The following P3H1 variants were observed in gnomAD, a reference collection of about 807,000 sequenced individuals.
P3H1 encodes the protein growth suppressor 1.
A neutral mutation model predicts 84.0 loss-of-function variants in P3H1; 69 were observed. That is an observed-to-expected ratio of 0.82 (90% CI 0.68 to 1.00). The LOEUF (loss-of-function observed/expected upper bound fraction) is 1.00, where lower values mean the gene tolerates loss of function less well. P3H1 is among the 50% of genes least tolerant of loss of function. The pLI, the probability that P3H1 is intolerant of heterozygous loss-of-function variation, is 0.00. For synonymous variants in P3H1, 366 were observed against 388.8 expected (o/e 0.94, Z 0.69); for missense variants, 878 against 962.8 (o/e 0.91, Z 1.17).
Position 42,759,064 on chromosome 1 carries a change from T to C in P3H1, c.809-81A>G, listed in dbSNP as rs755061188. 9 of 1,592,976 alleles carry C rather than the reference T, an allele frequency of 5.6e-6. No homozygotes were observed. In the South Asian group the frequency reaches 6.6e-5, roughly 12 times the overall value. On this transcript the variant is annotated intron_variant, in intron 3 of 14. Transcript: ENST00000296388. ...TCTGGTTAAGATGAACAAATTCAAATGGAAGCAATTTTTCATCAGCTTCTC... is the reference window on the plus strand; with the variant it reads ...TCTGGTTAAGATGAACAAATTCAAACGGAAGCAATTTTTCATCAGCTTCTC...
intron 11 of P3H1, among the ~76,000 whole-genome samples, chr1:42,749,378 G>A (rs1651907241): frequency 6.6e-6 from 1 of 152,196 alleles, no homozygotes; most frequent in Non-Finnish European, 1.5e-5. Flanking sequence ...GTATGACAGA[G>A]CCGGCTCTGG....
intron 10 of P3H1, among the ~76,000 whole-genome samples, chr1:42,752,067 C>T (rs986838948): frequency 2.0e-5 from 3 of 152,242 alleles, no homozygotes; most frequent in African/African-American, 7.2e-5. Context: ...TTATCCTGCT[C>T]ACTTTGTTTT....
Position 42,754,178 on chromosome 1 carries a change from G to A in P3H1, c.1345+691C>T, listed in dbSNP as rs1652259859. ...GAAGACTGGCCTAGCTACCTTGTGT[G>A]GGCAGGGGCAAGGACAGGCCAGACG... On this transcript the variant is annotated intron_variant, in intron 8 of 14. Transcript: ENST00000296388. The surrounding 1 kb of genome is among the most constrained non-coding windows in gnomAD (Gnocchi z 4.0). 6.6e-6 allele frequency among the ~76,000 whole-genome samples: 1 copy of A among 152,206 alleles called. No individual in the cohort carries two copies. Among genetic ancestry groups the A allele is most frequent in the Non-Finnish European group, 1.5e-5 (1 of 68,030 alleles).
In P3H1 at chr1:42,746,512, T is replaced by G; in HGVS notation, c.*185A>C. On this transcript the variant is annotated 3_prime_UTR_variant, in exon 15 of 15. Transcript: ENST00000296388. ...TGAGCCCTCAGCCAGATCCAGGGGG[T>G]GCGGTGTCTGGTCATGTCCACTCCA... The G allele has an allele frequency of 1.6e-6, 1 of 614,642 alleles. No individual in the cohort carries two copies. The highest frequency in any genetic ancestry group is 2.9e-6 in the Non-Finnish European group (1 of 346,950). 38.1% of individuals were successfully genotyped at this position (614,642 alleles called of 1,614,324 possible). A position where few individuals can be genotyped will look rare whatever the true frequency, so the allele number is the denominator to read the frequency against.
At position 42,757,815 on chromosome 1, in the gene P3H1, C is replaced by G; in HGVS notation, c.1048G>C (p.Glu350Gln). The change falls in exon 5 of 15, where the codon GAA becomes CAA. Residue 350 changes from glutamate to glutamine, a missense_variant. Glu to Gln is a conservative substitution (Grantham distance 29). Coordinates refer to ENST00000296388, the MANE Select transcript of P3H1 (RefSeq NM_022356.4). ...GGGCCGATGGATCTGGTGTGTTCTTCTCCAAGCATAGCTGCATAATAGGCC... is the reference window on the plus strand; with the variant it reads ...GGGCCGATGGATCTGGTGTGTTCTTGTCCAAGCATAGCTGCATAATAGGCC... The part of the protein sequence containing the change: ...NLAYYAAMLG[E>Q]EHTRSIGPRE... The G allele has an allele frequency of 1.2e-6, 2 of 1,614,260 alleles. No individual in the cohort carries two copies. The highest frequency in any genetic ancestry group is 1.7e-6 in the Non-Finnish European group (2 of 1,180,046).
intron 12 of P3H1, 134 bp from the exon 13 acceptor site, chr1:42,747,932 G>A: frequency 1.2e-6 from 1 of 864,200 alleles, no homozygotes; most frequent in Non-Finnish European, 1.9e-6. Flanking sequence ...AACCTATACT[G>A]ATGCCGTACA....
chr1:42,750,651 G>GT (rs1553141342), intron 10 of P3H1, among the ~76,000 whole-genome samples: 26 of 109,316 alleles, frequency 2.4e-4, no homozygotes, highest in African/African-American at 1.5e-3. Context: ...GAGGGAGGCC[G>GT]GGGGGGGTGG....
chr1:42,749,902 C>T lies in P3H1; in HGVS notation c.1720+284G>A, dbSNP rs138377612. On this transcript the variant is annotated intron_variant, in intron 11 of 14. Transcript: ENST00000296388. ...AGGTCCTCTATGAATGGTTTAGCAC[C>T]AGCTTCCCCATTAAAGTGCGTTGTG... The T allele has an allele frequency of 1.5e-3, 690 of 467,512 alleles. 5 individuals are homozygous for T. The highest frequency in any genetic ancestry group is 0.012 in the African/African-American group (634 of 51,058). 29.0% of individuals were successfully genotyped at this position (467,512 alleles called of 1,614,324 possible).
Position 42,746,647 on chromosome 1 carries a change from A to C in P3H1, c.*50T>G. 1 of 1,458,720 alleles carries C rather than the reference A, an allele frequency of 6.9e-7. No homozygotes were observed. The highest frequency in any genetic ancestry group is 9.4e-7 in the Non-Finnish European group (1 of 1,063,244). The allele number at this position is 1,458,720 out of a possible 1,614,324, so 90.4% of individuals were successfully genotyped here. A position where few individuals can be genotyped will look rare whatever the true frequency, so the allele number is the denominator to read the frequency against. On this transcript the variant is annotated 3_prime_UTR_variant, in exon 15 of 15. Transcript: ENST00000296388. ...GGGGCTGGCCAGCTCAGAGTGCAGAAGAGTTCCTCTCCATGGGTCTAGTCA... is the reference window on the plus strand; with the variant it reads ...GGGGCTGGCCAGCTCAGAGTGCAGACGAGTTCCTCTCCATGGGTCTAGTCA...
At chr1:42,757,677 GC>G (rs1467993343) in intron 5 of P3H1, 105 bp downstream of exon 5, 11 of 1,533,556 alleles carry the variant, frequency 7.2e-6, no homozygotes, top group Non-Finnish European at 9.9e-6. Context: ...CTGACATCTG[GC>G]CCCTGCCCTG....
Position 42,747,270 on chromosome 1 carries a change from A to C in P3H1, c.2055+2T>G. ...GCTCTCACCCGCTCGAGCTGCTCTC[A>C]CCCGCTCGCTGTGTCGAGGGTCCAG... On this transcript the variant is annotated splice_donor_variant, in intron 14 of 14. Coordinates refer to ENST00000296388, the MANE Select transcript of P3H1 (RefSeq NM_022356.4). LOFTEE classifies it high-confidence loss of function. 1 of 1,613,684 alleles carries C rather than the reference A, an allele frequency of 6.2e-7. No individual in the cohort carries two copies. The highest frequency in any genetic ancestry group is 8.5e-7 in the Non-Finnish European group (1 of 1,179,752).
chr1:42,766,646 A>C lies in P3H1; in HGVS notation c.326T>G (p.Phe109Cys), dbSNP rs761389160. ...SGAAALRDLS[F>C]FGGLLRRAAC... ...AGCGCGACGCAGAAGGCCCCCGAAG[A>C]AGCTCAGGTCGCGCAGGGCGGCGGC... The change falls in exon 1 of 15, where the codon TTC becomes TGC. Residue 109 changes from phenylalanine to cysteine, a missense_variant. Physicochemically the swap from Phe to Cys is radical, Grantham distance 205. Transcript: ENST00000296388. The C allele has an allele frequency of 2.2e-5, 34 of 1,577,294 alleles. No individual in the cohort carries two copies. The highest frequency in any genetic ancestry group is 1.7e-4 in the Middle Eastern group (1 of 5,908).
In P3H1 at chr1:42,748,418, C is replaced by T. The variant is rs115436009; in HGVS notation, c.1721-101G>A. On this transcript the variant is annotated intron_variant, in intron 11 of 14. Transcript: ENST00000296388. ...GCTTCCCAAAATGTGTTTGAGTCTA[C>T]GGAATGCCCAATGAACTAGGGGGGT... 1,733 of 895,756 alleles carry T rather than the reference C, an allele frequency of 1.9e-3. 21 individuals carry two copies. In the African/African-American group the frequency reaches 0.026, roughly 13 times the overall value. 55.5% of individuals were successfully genotyped at this position (895,756 alleles called of 1,614,324 possible).
In P3H1 at chr1:42,759,250, A is replaced by T. The variant is rs1304210616; in HGVS notation, c.759T>A (p.Asp253Glu). ...CGTTGTACTCAAGGTAGTTGTAGCC[A>T]TCGTAGTCATAGGGCCCTTCGCAGA... The part of the protein sequence containing the change: ...RALCEGPYDY[D>E]GYNYLEYNAD... Residue 253 changes from aspartate to glutamate, a missense_variant, in exon 3 of 15, where the codon GAT (aspartate) becomes GAA (glutamate). Transcript: ENST00000296388. 1.2e-6 allele frequency: 2 copies of T among 1,614,038 alleles called. No homozygotes were observed. Among genetic ancestry groups the T allele is most frequent in the Non-Finnish European group, 1.7e-6 (2 of 1,180,042 alleles).
At position 42,766,952 on chromosome 1, in the gene P3H1, T is replaced by G. The variant is rs1201365559; in HGVS notation, c.20A>C (p.Lys7Thr). The G allele has an allele frequency of 1.2e-6, 2 of 1,609,004 alleles. No homozygotes were observed. Among genetic ancestry groups the G allele is most frequent in the African/African-American group, 2.7e-5 (2 of 75,038 alleles). The change falls in exon 1 of 15, where the codon AAG (lysine) becomes ACG (threonine). Residue 7 changes from lysine to threonine, a missense_variant. Transcript: ENST00000296388. MAVRAL[K>T]LLTTLLAVVA... is the part of the protein sequence containing the mutation. ...GACAGCCAGCAGTGTGGTCAGCAGC[T>G]TCAACGCGCGTACCGCCATCGCTCC... is the stretch of plus-strand genomic sequence containing the variant.
intron 4 of P3H1, 105 bp downstream of exon 4, chr1:42,758,747 A>T: frequency 7.3e-7 from 1 of 1,376,656 alleles, no homozygotes; most frequent in Non-Finnish European, 1.0e-6. Flanking sequence ...TAGCTACTGA[A>T]ATAAGCCAAA....
chr1:42,749,981 G>A (rs1651939167), intron 11 of P3H1: 1 of 614,648 alleles, frequency 1.6e-6, no homozygotes, highest in Admixed American at 2.9e-5. Flanking sequence ...CCTCTGGGAA[G>A]CCTTCTTGAT....
chr1:42,766,445 T>C, intron 1 of P3H1, 62 bp downstream of exon 1: 2 of 1,417,930 alleles, frequency 1.4e-6, no homozygotes, highest in Non-Finnish European at 9.7e-7. Flanking sequence ...GCTCCTCAGG[T>C]CCCCTGCAAC....
In P3H1 at chr1:42,747,306, A is replaced by G; in HGVS notation, c.2021T>C (p.Leu674Pro). ...GTGTCGAGGGTCCAGGGTGAACCAC[A>G]GGGCGATGGCACAGCGCTGCCCCCT... The part of the protein sequence containing the change: ...VTRGQRCAIA[L>P]WFTLDPRHSE... Residue 674 changes from leucine (L) to proline (P), a missense_variant, in exon 14 of 15, where the codon CTG (leucine) becomes CCG (proline). Coordinates refer to ENST00000296388, the MANE Select transcript of P3H1 (RefSeq NM_022356.4). The G allele has an allele frequency of 6.2e-7, 1 of 1,613,086 alleles. No individual in the cohort carries two copies. Among genetic ancestry groups the G allele is most frequent in the East Asian group, 2.2e-5 (1 of 44,862 alleles).
Sources: gnomAD v4.1 joint callset for allele counts (sites outside exome capture counted in the v4.1 genomes callset) on GRCh38, gnomAD v4.1.1 for gene constraint, Gnocchi (gnomAD v3.1) non-coding constraint, MANE v1.5 for transcripts, NCBI Gene and HGNC (gene_info 2026-07-23, HGNC 2026-07-21) for gene names.